KNL1: variants seen among roughly 807,000 people sequenced by gnomAD.
KNL1 encodes outer kinetochore KNL1 complex subunit KNL1.
KNL1 carries 66 observed loss-of-function variants against 201.3 expected under a neutral mutation model. The observed-to-expected ratio is 0.33, with a 90% CI of 0.27 to 0.40. The LOEUF is 0.40. Ranked by LOEUF, KNL1 falls within the 10% of genes least tolerant of loss-of-function variation. KNL1 has a pLI of 1.00. For synonymous variants in KNL1, 895 were observed against 899.2 expected (o/e 1.00, Z 0.08); for missense variants, 2,815 against 2,690.5 (o/e 1.05, Z -1.02).
intron 10 of KNL1, among the ~76,000 whole-genome samples, chr15:40,626,851 A>T (rs185045668): frequency 2.5e-4 from 38 of 150,208 alleles, no homozygotes; most frequent in Non-Finnish European, 4.0e-4. Flanking sequence ...GAGTGCTGGG[A>T]TTACAGGCAT....
chr15:40,649,216 A>G (rs1273963870), intron 17 of KNL1, among the ~76,000 whole-genome samples: 1 of 151,630 alleles, frequency 6.6e-6, no homozygotes, highest in Non-Finnish European at 1.5e-5. Flanking sequence ...CATATCTTCT[A>G]CAGTTGTTTT....
In KNL1 at chr15:40,629,495, C is replaced by CTTTTTT. The variant is rs386382806; in HGVS notation, c.5682+145_5682+150dup. Reference sequence around the variant, plus strand: ...TCTTTTTTTTTTTTTTTTGCCTTTTCTTTTTTTTTTTTTTTTTTTTTTTTT... The same window carrying CTTTTTT: ...TCTTTTTTTTTTTTTTTTGCCTTTTCTTTTTTTTTTTTTTTTTTTTTTTTTTTTTTT... On this transcript the variant is annotated intron_variant, in intron 13 of 25. Transcript: ENST00000399668. 112 of 178,810 alleles carry CTTTTTT rather than the reference C, an allele frequency of 6.3e-4. 1 individual carries two copies. The highest frequency in any genetic ancestry group is 1.1e-3 in the African/African-American group (21 of 18,792). The allele number at this position is 178,810 out of a possible 1,614,324, so 11.1% of individuals were successfully genotyped here. A position where few individuals can be genotyped will look rare whatever the true frequency, so the allele number is the denominator to read the frequency against.
intron 17 of KNL1, chr15:40,650,026 T>C (rs760389215): frequency 1.6e-5 from 4 of 247,956 alleles, no homozygotes; most frequent in Non-Finnish European, 3.1e-5. Context: ...ACAGAGTAAG[T>C]GCCTAGTACA....
intron 23 of KNL1, 47 bp downstream of exon 23, chr15:40,657,198 C>T (rs766925142): frequency 2.4e-6 from 3 of 1,235,022 alleles, no homozygotes; most frequent in South Asian, 2.6e-5. Flanking sequence ...GATATCTTTC[C>T]AAAAAAAGCA....
Position 40,621,968 on chromosome 15 carries a change from A to T in KNL1, c.1704A>T (p.Ser568=). The change falls in exon 10 of 26, where the codon TCA becomes TCT. Residue 568 remains serine (S), a synonymous_variant. Coordinates refer to ENST00000399668, the MANE Select transcript of KNL1 (RefSeq NM_144508.5). ...SLTDRKTELL[S]GENMDLTESH... ...CTGATAGAAAGACTGAACTCTTATC[A>T]GGTGAAAATATGGATTTGACTGAAA... 6.2e-7 allele frequency: 1 copy of T among 1,614,020 alleles called. No homozygotes were observed. The highest frequency in any genetic ancestry group is 8.5e-7 in the Non-Finnish European group (1 of 1,179,942).
intron 17 of KNL1, among the ~76,000 whole-genome samples, chr15:40,649,629 G>T (rs183436651): frequency 9.9e-5 from 15 of 151,858 alleles, no homozygotes; most frequent in Non-Finnish European, 8.8e-5. Context: ...AAGAGAGGCA[G>T]AGTCTCACTC....
intron 14 of KNL1, among the ~76,000 whole-genome samples, chr15:40,642,561 TG>T (rs1261065059): frequency 1.3e-5 from 2 of 152,230 alleles, no homozygotes; most frequent in Non-Finnish European, 2.9e-5. Flanking sequence ...TGGCAAATTT[TG>T]TATCTTCATG....
chr15:40,599,856 G>T (rs1359067995), intron 1 of KNL1, among the ~76,000 whole-genome samples: 1 of 139,566 alleles, frequency 7.2e-6, no homozygotes, highest in Non-Finnish European at 1.5e-5. Context: ...CTGGAGTACA[G>T]TAGCTATTCA....
At chr15:40,614,450 C>G (rs1235674566) in intron 7 of KNL1, among the ~76,000 whole-genome samples, 1 of 151,954 alleles carries the variant, frequency 6.6e-6, no homozygotes, top group South Asian at 2.1e-4. Context: ...CCAAGCTAGT[C>G]TCAAACTCCT....
At chr15:40,630,382 A>G (rs891711693) in intron 13 of KNL1, among the ~76,000 whole-genome samples, 1 of 152,210 alleles carries the variant, frequency 6.6e-6, no homozygotes, top group African/African-American at 2.4e-5. Flanking sequence ...ATCCAATACA[A>G]TTAGAACTTA....
At chr15:40,619,089 G>A in intron 9 of KNL1, 78 bp downstream of exon 9, 2 of 996,018 alleles carry the variant, frequency 2.0e-6, no homozygotes, top group Non-Finnish European at 3.2e-6. Flanking sequence ...AATGATAATG[G>A]CATAGTTTAG....
chr15:40,646,167 TA>T (rs547872415), intron 16 of KNL1, among the ~76,000 whole-genome samples: 4 of 152,172 alleles, frequency 2.6e-5, no homozygotes, highest in African/African-American at 9.7e-5. Context: ...AGGCTCTGCA[TA>T]AAAAAACTTT....
chr15:40,636,337 A>T (rs1893055956), intron 13 of KNL1, among the ~76,000 whole-genome samples: 1 of 152,254 alleles, frequency 6.6e-6, no homozygotes. Context: ...CTTGCTGTGC[A>T]TGAGCCTAAT....
Position 40,621,573 on chromosome 15 carries a change from A to G in KNL1, c.1309A>G (p.Met437Val), listed in dbSNP as rs1181239700. 8 of 1,610,422 alleles carry G rather than the reference A, an allele frequency of 5.0e-6. No homozygotes were observed. The Admixed American group carries it at 6.7e-5, about 14-fold the overall frequency. ...TTTCTATTCTAGTTGTAATGATGCC[A>G]TGGAAATGACCAAATGTCTCTCAAA... Reference protein sequence around the residue: ...TVFYSSCNDAMEMTKCLSNMR... With the variant: ...TVFYSSCNDAVEMTKCLSNMR... The change falls in exon 10 of 26, where the codon ATG becomes GTG. Residue 437 changes from methionine (M) to valine (V), a missense_variant. Met to Val is a conservative substitution (Grantham distance 21). Transcript: ENST00000399668.
Position 40,662,639 on chromosome 15 carries a change from CT to C in KNL1, c.*456del. ...ATGTATCTGTCTACAAACTATTATC[CT>C]TTTTCTCCGTTACTAAAATGCTATT... On this transcript the variant is annotated 3_prime_UTR_variant, in exon 26 of 26. Transcript: ENST00000399668. The C allele has an allele frequency of 5.1e-6, 1 of 195,844 alleles. No individual in the cohort carries two copies. The highest frequency in any genetic ancestry group is 1.1e-5 in the Non-Finnish European group (1 of 94,414). The allele number at this position is 195,844 out of a possible 1,614,324, so 12.1% of individuals were successfully genotyped here. A position where few individuals can be genotyped will look rare whatever the true frequency, so the allele number is the denominator to read the frequency against.
At chr15:40,652,753 A>T (rs1264885237) in intron 21 of KNL1, among the ~76,000 whole-genome samples, 1 of 125,496 alleles carries the variant, frequency 8.0e-6, no homozygotes. Flanking sequence ...ACAGAGCAAA[A>T]CTGTCTCAAA....
intron 20 of KNL1, 44 bp downstream of exon 20, chr15:40,651,616 CT>C (rs1567021312): frequency 7.2e-7 from 1 of 1,389,582 alleles, no homozygotes; most frequent in Admixed American, 2.1e-5. Flanking sequence ...TATTCTGTAC[CT>C]TGTGGTTGTT....
chr15:40,634,119 G>C (rs897360172), intron 13 of KNL1, among the ~76,000 whole-genome samples: 2 of 151,926 alleles, frequency 1.3e-5, no homozygotes, highest in African/African-American at 4.8e-5. Flanking sequence ...TTGTTTGTTT[G>C]TTTTGAGATG....
intron 10 of KNL1, among the ~76,000 whole-genome samples, chr15:40,626,780 A>T (rs1055907110): frequency 2.0e-5 from 3 of 152,138 alleles, no homozygotes; most frequent in Admixed American, 2.0e-4. Flanking sequence ...AGGTTTCACC[A>T]CGTTGGCCAG....
Sources: allele counts gnomAD v4.1 joint callset (sites outside exome capture counted in the v4.1 genomes callset), GRCh38; gene constraint gnomAD v4.1.1; transcripts MANE v1.5; gene names NCBI Gene and HGNC (gene_info 2026-07-23, HGNC 2026-07-21).